IPO5: variants seen among roughly 807,000 people sequenced by gnomAD.
The protein encoded by IPO5 is importin-5.
IPO5 carries 18 observed loss-of-function variants against 143.3 expected under a neutral mutation model. The observed-to-expected ratio is 0.13, with a 90% CI of 0.09 to 0.19. The LOEUF (loss-of-function observed/expected upper bound fraction) is 0.19, where lower values mean the gene tolerates loss of function less well. Among genes scored for constraint, IPO5 ranks in the 10% least tolerant of loss-of-function variants. IPO5 has a pLI of 1.00. For synonymous variants in IPO5, 477 were observed against 465.7 expected, an observed-to-expected ratio of 1.02 and a Z score of -0.31; for missense variants, 1,013 against 1,336.9, an observed-to-expected ratio of 0.76 and a Z score of 3.78.
At position 97,954,951 on chromosome 13, in the gene IPO5, G is replaced by C. The variant is rs1349097740; in HGVS notation, c.-113+753G>C. On this transcript the variant is annotated intron_variant, in intron 2 of 28. Transcript: ENST00000651721. ...ACCTCCAAATGAAAAATACCGGCCG[G>C]GCACAGTGGCTCACACCTATAATCC... Among the ~76,000 whole-genome samples the C allele has an allele frequency of 2.0e-5, 3 of 152,110 alleles. No homozygotes were observed. The East Asian group carries it at 5.8e-4, about 29-fold the overall frequency.
At chr13:97,975,840 G>A (rs771484739) in intron 3 of IPO5, 5 of 837,274 alleles carry the variant, frequency 6.0e-6, no homozygotes, top group South Asian at 5.4e-5. Flanking sequence ...GGCTGGGGAC[G>A]GGCGGCCTGG....
intron 20 of IPO5, among the ~76,000 whole-genome samples, chr13:98,010,646 AAACAGAT>A (rs1169850672): frequency 6.6e-6 from 1 of 152,162 alleles, no homozygotes; most frequent in Non-Finnish European, 1.5e-5. Flanking sequence ...TTGTGTAAAA[AAACAGAT>A]ATGGCAGGAA....
At chr13:97,984,005 G>A (rs367897738) in intron 5 of IPO5, among the ~76,000 whole-genome samples, 1 of 100,990 alleles carries the variant, frequency 9.9e-6, no homozygotes, top group African/African-American at 4.0e-5. Context: ...TTGAGACGGA[G>A]TCTCGCTCTG....
intron 3 of IPO5, among the ~76,000 whole-genome samples, chr13:97,973,411 C>T (rs1222328861): frequency 6.6e-6 from 1 of 152,150 alleles, no homozygotes; most frequent in East Asian, 1.9e-4. Context: ...GGGAAATGGG[C>T]TTCTAAGTGC....
At chr13:97,989,275 G>A (rs780123455) in intron 7 of IPO5, 111 bp downstream of exon 7, 1 of 557,442 alleles carries the variant, frequency 1.8e-6, no homozygotes, top group Non-Finnish European at 3.0e-6. Flanking sequence ...TGATAATAAT[G>A]CCTTTACATA....
intron 25 of IPO5, 108 bp from the exon 26 acceptor site, chr13:98,018,377 T>C (rs1387000784): frequency 3.8e-6 from 3 of 786,754 alleles, no homozygotes; most frequent in Non-Finnish European, 6.3e-6. Context: ...CTTTTTTCTT[T>C]TGCCTGTATG....
intron 21 of IPO5, among the ~76,000 whole-genome samples, chr13:98,013,685 C>T (rs1240015720): frequency 6.6e-6 from 1 of 151,900 alleles, no homozygotes; most frequent in Non-Finnish European, 1.5e-5. Context: ...TGGTCTTTTT[C>T]AGGGAAATAC....
intron 3 of IPO5, among the ~76,000 whole-genome samples, chr13:97,976,164 G>C (rs1594042240): frequency 6.6e-6 from 1 of 151,626 alleles, no homozygotes; most frequent in South Asian, 2.1e-4. Flanking sequence ...AATCTCCCGC[G>C]CTCAGCAGCT....
chr13:97,990,537 G>A lies in IPO5; in HGVS notation c.669G>A (p.Gln223=). ...CAGACTTGCTACCGGGATTCCTACA[G>A]GTATGAAAGCAATATAGAATAAATC... ...HFADLLPGFL[Q]AVNDSCYQND... The change falls in exon 9 of 29, where the codon CAG becomes CAA. Residue 223 remains glutamine (Q), a splice_region_variant and synonymous_variant. Transcript: ENST00000651721. 1 of 1,521,554 alleles carries A rather than the reference G, an allele frequency of 6.6e-7. No individual in the cohort carries two copies. The highest frequency in any genetic ancestry group is 9.0e-7 in the Non-Finnish European group (1 of 1,114,766). 94.3% of individuals were successfully genotyped at this position (1,521,554 alleles called of 1,614,324 possible). A position where few individuals can be genotyped will look rare whatever the true frequency, so the allele number is the denominator to read the frequency against.
intron 11 of IPO5, among the ~76,000 whole-genome samples, chr13:97,996,394 G>GCT (rs1421670696): frequency 6.6e-6 from 1 of 152,096 alleles, no homozygotes; most frequent in African/African-American, 2.4e-5. Flanking sequence ...AATGAACCCT[G>GCT]CTAAGTCTCA....
rs544414694 is a variant in IPO5 at position 97,966,651 on chromosome 13, G to C, written c.-112-3072G>C. On this transcript the variant is annotated intron_variant, in intron 2 of 28. Coordinates refer to ENST00000651721, the MANE Select transcript of IPO5 (RefSeq NM_002271.6). ...CACTCTGCTTCTATTTTCTGACAAAGTTTGAGTAGGAATGGTGTTAATTGC... is the reference window on the plus strand; with the variant it reads ...CACTCTGCTTCTATTTTCTGACAAACTTTGAGTAGGAATGGTGTTAATTGC... Among the ~76,000 whole-genome samples the C allele has an allele frequency of 6.6e-5, 10 of 152,284 alleles. No individual in the cohort carries two copies. In the South Asian group the frequency reaches 8.3e-4, roughly 13 times the overall value.
intron 4 of IPO5, among the ~76,000 whole-genome samples, chr13:97,979,142 T>C (rs1886633628): frequency 6.6e-6 from 1 of 152,124 alleles, no homozygotes; most frequent in Admixed American, 6.5e-5. Context: ...TCAAATGAAA[T>C]AAAATTAGCA....
rs1348348635 is a variant in IPO5, at chr13:97,976,245, T to TCC, written c.-4-445_-4-444dup. ...GCCCGCCGGCCGGCTCCTCCCGCTG[T>TCC]CCCCGCGACGCAGCCCTGGCCCCAG... On this transcript the variant is annotated intron_variant, in intron 3 of 28. Transcript: ENST00000651721. Among the ~76,000 whole-genome samples, 4 of 150,056 alleles carry TCC rather than the reference T, an allele frequency of 2.7e-5. No homozygotes were observed. In the South Asian group the frequency reaches 8.4e-4, roughly 32 times the overall value.
chr13:97,968,441 C>G (rs1885533862), intron 2 of IPO5, among the ~76,000 whole-genome samples: 1 of 152,144 alleles, frequency 6.6e-6, no homozygotes, highest in Non-Finnish European at 1.5e-5. Flanking sequence ...ATTGATCTAT[C>G]TAGTTATCCT....
At chr13:97,993,737 G>A (rs191424136) in intron 11 of IPO5, among the ~76,000 whole-genome samples, 34 of 152,280 alleles carry the variant, frequency 2.2e-4, no homozygotes, top group Admixed American at 1.8e-3. Flanking sequence ...GTTTCATTGT[G>A]CTGGGATAAG....
rs568589408 is a variant in IPO5, at chr13:98,006,356, ATTTTTTTTTTTTTTTTT to A, written c.1716+28_1716+44del. On this transcript the variant is annotated intron_variant, in intron 17 of 28. Coordinates refer to ENST00000651721, the MANE Select transcript of IPO5 (RefSeq NM_002271.6). ...GCTGTTGGGAAGGAAAAAGTAAGTA[ATTTTTTTTTTTTTTTTT>A]TTTTTTTTTTTTTTTTTTTGAGACA... 0.012 allele frequency: 6,449 copies of A among 555,974 alleles called. 100 individuals are homozygous for A. Among genetic ancestry groups the A allele is most frequent in the East Asian group, 0.074 (1,564 of 21,020 alleles). 34.4% of individuals were successfully genotyped at this position (555,974 alleles called of 1,614,324 possible). A position where few individuals can be genotyped will look rare whatever the true frequency, so the allele number is the denominator to read the frequency against.
intron 28 of IPO5, 76 bp downstream of exon 28, chr13:98,021,209 A>C: frequency 1.5e-6 from 2 of 1,326,368 alleles, no homozygotes; most frequent in Non-Finnish European, 2.1e-6. Flanking sequence ...AGAAGAAACT[A>C]GAAATCTAAT....
chr13:97,961,955 C>A (rs1288516970), intron 2 of IPO5, among the ~76,000 whole-genome samples: 3 of 151,946 alleles, frequency 2.0e-5, no homozygotes, highest in Non-Finnish European at 2.9e-5. Context: ...ACGGCAAAAC[C>A]CCATCTCTAC....
intron 3 of IPO5, among the ~76,000 whole-genome samples, chr13:97,972,939 G>T (rs964578403): frequency 6.6e-6 from 1 of 151,782 alleles, no homozygotes; most frequent in Non-Finnish European, 1.5e-5. Context: ...CAAGTTCAAG[G>T]CTCTTTACCT....
Sources: gnomAD v4.1 joint callset for allele counts (sites outside exome capture counted in the v4.1 genomes callset) on GRCh38, gnomAD v4.1.1 for gene constraint, MANE v1.5 for transcripts, NCBI Gene and HGNC (gene_info 2026-07-23, HGNC 2026-07-21) for gene names.